PIP5K1C: variants seen among roughly 807,000 people sequenced by gnomAD.
PIP5K1C encodes phosphatidylinositol-4-phosphate 5-kinase type 1 gamma.
PIP5K1C carries 45 observed loss-of-function variants against 80.1 expected under a neutral mutation model. That is an observed-to-expected ratio of 0.56 (90% confidence interval 0.44 to 0.72). The LOEUF is 0.72. Among genes scored for constraint, PIP5K1C ranks in the 30% least tolerant of loss-of-function variants. The probability of loss-of-function intolerance (pLI) is 0.00; values close to 1 mark genes in which losing one functional copy is unlikely to be tolerated. For missense variants in PIP5K1C, 753 were observed against 954.6 expected, an observed-to-expected ratio of 0.79 and a Z score of 2.78; for synonymous variants, 498 against 420.1, an observed-to-expected ratio of 1.19 and a Z score of -2.27.
In PIP5K1C at chr19:3,648,427, G is replaced by A. The variant is rs1041787526; in HGVS notation, c.1211+198C>T. ...AGGAAGCCCCGAGAGCTGCTGGTGC[G>A]GCTGTTTCCACGGGCAAGCGCCTCT... is the stretch of plus-strand genomic sequence containing the variant. On this transcript the variant is annotated intron_variant, in intron 9 of 17. Transcript: ENST00000335312. This position sits in a 1 kb window ranked among gnomAD's most constrained non-coding sequence, Gnocchi z 4.3. 1.3e-5 allele frequency among the ~76,000 whole-genome samples: 2 copies of A among 152,184 alleles called. No homozygotes were observed. The highest frequency in any genetic ancestry group is 2.4e-5 in the African/African-American group (1 of 41,428).
Position 3,652,036 on chromosome 19 carries a change from C to G in PIP5K1C, c.922-5G>C. 1 of 1,612,916 alleles carries G rather than the reference C, an allele frequency of 6.2e-7. No individual in the cohort carries two copies. The highest frequency in any genetic ancestry group is 1.1e-5 in the South Asian group (1 of 91,072). ...GATCTTGAAACTTTCCAGGACCTGG[C>G]GGGATCGGGCAGGAACACGCCACGC... On this transcript the variant is annotated splice_region_variant and splice_polypyrimidine_tract_variant and intron_variant, in intron 7 of 17. Transcript: ENST00000335312.
Position 3,638,083 on chromosome 19 carries a change from G to A in PIP5K1C, c.1920+801C>T, listed in dbSNP as rs978567639. On this transcript the variant is annotated intron_variant, in intron 16 of 17. Coordinates refer to ENST00000335312, the MANE Select transcript of PIP5K1C (RefSeq NM_012398.3). ...CAACAGGCCCTAAGGCCTGGTGCCC[G>A]TGCCCAGCCCTCCTTCCCAGGGGGT... 28 of 1,436,396 alleles carry A rather than the reference G, an allele frequency of 1.9e-5. No homozygotes were observed. The African/African-American group carries it at 2.6e-4, about 13-fold the overall frequency. 89.0% of individuals were successfully genotyped at this position (1,436,396 alleles called of 1,614,324 possible).
intron 4 of PIP5K1C, 99 bp downstream of exon 4, chr19:3,661,772 G>A: frequency 1.4e-6 from 2 of 1,453,660 alleles, no homozygotes; most frequent in South Asian, 1.1e-5. Flanking sequence ...GAGGGGCCAG[G>A]TGCTGCTTTC....
At chr19:3,663,240 C>T (rs900993494) in intron 3 of PIP5K1C, among the ~76,000 whole-genome samples, 1 of 152,214 alleles carries the variant, frequency 6.6e-6, no homozygotes. Context: ...TTCACTTTAG[C>T]CCTGGGAAGC....
Position 3,656,498 on chromosome 19 carries a change from G to A in PIP5K1C, c.528C>T (p.Leu176=), listed in dbSNP as rs1286361987. Residue 176 remains leucine, a synonymous_variant, in exon 6 of 18, where the codon CTC becomes CTT. Transcript: ENST00000335312. The part of the protein sequence containing the change: ...ELSNPGASGS[L]FYVTSDDEFI... ...ACTCGTCGTCGCTGGTGACGTAGAA[G>A]AGGGAGCCACTGGCGCCCGGGTTGG... The A allele has an allele frequency of 3.7e-6, 6 of 1,613,830 alleles. No homozygotes were observed. Among genetic ancestry groups the A allele is most frequent in the Non-Finnish European group, 5.1e-6 (6 of 1,180,012 alleles).
At chr19:3,640,228 T>C (rs2033904065) in intron 15 of PIP5K1C, among the ~76,000 whole-genome samples, 1 of 152,130 alleles carries the variant, frequency 6.6e-6, no homozygotes, top group Admixed American at 6.6e-5. Flanking sequence ...AGTAAAAACA[T>C]ACAGGGGCCG....
At chr19:3,645,280 C>T (rs985496074) in intron 11 of PIP5K1C, among the ~76,000 whole-genome samples, 19 of 152,230 alleles carry the variant, frequency 1.2e-4, no homozygotes, top group African/African-American at 3.6e-4. Flanking sequence ...CTGGGGAGCC[C>T]GGGAGCCTTC....
chr19:3,646,146 TG>T, intron 10 of PIP5K1C, 88 bp from the exon 11 acceptor site: 1 of 780,868 alleles, frequency 1.3e-6, no homozygotes. Flanking sequence ...TGTATGTGTG[TG>T]GGGGGCACCT....
chr19:3,695,337 G>C (rs1339263323), intron 1 of PIP5K1C, among the ~76,000 whole-genome samples: 4 of 152,190 alleles, frequency 2.6e-5, no homozygotes, highest in Admixed American at 1.3e-4. Context: ...CACACGAAGG[G>C]GACTCCCTCT....
intron 16 of PIP5K1C, 144 bp downstream of exon 16, chr19:3,638,740 T>C: frequency 9.5e-7 from 1 of 1,053,588 alleles, no homozygotes; most frequent in Non-Finnish European, 1.4e-6. Context: ...GAGTGCTGGC[T>C]GGTGAGAGAG....
chr19:3,633,301 G>A (rs1568303776), intron 17 of PIP5K1C, 132 bp from the exon 18 acceptor site: 1 of 681,268 alleles, frequency 1.5e-6, no homozygotes, highest in East Asian at 2.8e-5. Flanking sequence ...GAGCCAGAGA[G>A]CCCAGGGTGG....
chr19:3,653,348 A>G lies in PIP5K1C; in HGVS notation c.863T>C (p.Leu288Pro). Residue 288 changes from leucine (L) to proline (P), a missense_variant, in exon 7 of 18, where the codon CTC becomes CCC. Physicochemically the swap from Leu to Pro is moderately conservative, Grantham distance 98. Transcript: ENST00000335312. ...GCTGAAGGTGTCGGCGTCCAGCAGGAGCCCCTCGGGCATGTCCTGCATGAA... is the reference window on the plus strand; with the variant it reads ...GCTGAAGGTGTCGGCGTCCAGCAGGGGCCCCTCGGGCATGTCCTGCATGAA... ...LDFMQDMPEG[L>P]LLDADTFSAL... 6.2e-7 allele frequency: 1 copy of G among 1,611,950 alleles called. No homozygotes were observed. Among genetic ancestry groups the G allele is most frequent in the Non-Finnish European group, 8.5e-7 (1 of 1,179,998 alleles).
intron 1 of PIP5K1C, among the ~76,000 whole-genome samples, chr19:3,684,899 A>T (rs1042653054): frequency 6.6e-6 from 1 of 152,222 alleles, no homozygotes; most frequent in Non-Finnish European, 1.5e-5. Context: ...CTCAGCAGTC[A>T]GGGCCAGACA....
Position 3,647,393 on chromosome 19 carries a change from A to C in PIP5K1C, c.1212-7T>G, listed in dbSNP as rs2034276346. Reference sequence around the variant, plus strand: ...CTCCAGTTTCTTGATGAACCTGTGGAGAGAGCACCCGGAGTGGCAGCTGAC... The same window carrying C: ...CTCCAGTTTCTTGATGAACCTGTGGCGAGAGCACCCGGAGTGGCAGCTGAC... On this transcript the variant is annotated splice_polypyrimidine_tract_variant and splice_region_variant and intron_variant, in intron 9 of 17. Coordinates refer to ENST00000335312, the MANE Select transcript of PIP5K1C (RefSeq NM_012398.3). 1.3e-6 allele frequency: 2 copies of C among 1,580,456 alleles called. No individual in the cohort carries two copies. Among genetic ancestry groups the C allele is most frequent in the Non-Finnish European group, 1.7e-6 (2 of 1,162,252 alleles).
intron 5 of PIP5K1C, 56 bp downstream of exon 5, chr19:3,660,910 G>T (rs1365948675): frequency 7.1e-6 from 10 of 1,409,904 alleles, no homozygotes; most frequent in Non-Finnish European, 9.0e-6. Context: ...GACCCTCCGA[G>T]ACCCTGAACA....
intron 1 of PIP5K1C, among the ~76,000 whole-genome samples, chr19:3,682,931 TCC>T (rs2035631208): frequency 6.9e-6 from 1 of 145,204 alleles, no homozygotes; most frequent in African/African-American, 2.6e-5. Flanking sequence ...GGAGAACACC[TCC>T]CCTCCTCCCC....
At chr19:3,699,677 G>C (rs2036236119) in intron 1 of PIP5K1C, among the ~76,000 whole-genome samples, 1 of 152,210 alleles carries the variant, frequency 6.6e-6, no homozygotes, top group Non-Finnish European at 1.5e-5. Flanking sequence ...TGGAGGTCCA[G>C]GAAGCAGCTA....
At chr19:3,667,077 A>ACC (rs2035037151) in intron 2 of PIP5K1C, among the ~76,000 whole-genome samples, 1 of 145,828 alleles carries the variant, frequency 6.9e-6, no homozygotes. Context: ...CTGACCAGGC[A>ACC]CCCCTGCCAC....
At chr19:3,683,740 G>A (rs2035661681) in intron 1 of PIP5K1C, among the ~76,000 whole-genome samples, 1 of 152,116 alleles carries the variant, frequency 6.6e-6, no homozygotes, top group Non-Finnish European at 1.5e-5. Flanking sequence ...AGGGCAGAGG[G>A]GCCTCCCAGG....
Sources: gnomAD v4.1 joint callset for allele counts (sites outside exome capture counted in the v4.1 genomes callset) on GRCh38, gnomAD v4.1.1 for gene constraint, Gnocchi (gnomAD v3.1) non-coding constraint, MANE v1.5 for transcripts, NCBI Gene and HGNC (gene_info 2026-07-23, HGNC 2026-07-21) for gene names.